The following SPMIP11 variants were observed in gnomAD, a reference collection of about 807,000 sequenced individuals.
SPMIP11 encodes long intergenic non-protein coding RNA 935.
At chr12:48,733,987 G>A in the SPMIP11 span, among the ~76,000 whole-genome samples, 1 of 151,882 alleles carries the variant, frequency 6.6e-6, no homozygotes, top group Non-Finnish European at 1.5e-5. Flanking sequence ...GGCCAGGCTG[G>A]TCTCGAACTC....
At chr12:48,732,614 AC>A in the SPMIP11 span, among the ~76,000 whole-genome samples, 8 of 151,876 alleles carry the variant, frequency 5.3e-5, no homozygotes, top group Non-Finnish European at 1.0e-4. Context: ...TACTAAAAAT[AC>A]AAAAATTAGC....
chr12:48,738,692 G>A, the SPMIP11 span, among the ~76,000 whole-genome samples: 8 of 152,040 alleles, frequency 5.3e-5, no homozygotes, highest in East Asian at 5.8e-4. Context: ...CCGCCACCAC[G>A]TATGGCACCT....
chr12:48,728,106 G>A, the SPMIP11 span, among the ~76,000 whole-genome samples: 3 of 151,906 alleles, frequency 2.0e-5, no homozygotes, highest in Non-Finnish European at 2.9e-5. Flanking sequence ...TTAGTCATTC[G>A]TTGGCTCATT....
At chr12:48,730,762 A>G in the SPMIP11 span, among the ~76,000 whole-genome samples, 3 of 151,972 alleles carry the variant, frequency 2.0e-5, no homozygotes, top group Non-Finnish European at 4.4e-5. Flanking sequence ...ACGTGGTGAA[A>G]CTCCACCTCT....
chr12:48,741,507 G>A, the SPMIP11 span, among the ~76,000 whole-genome samples: 3 of 152,150 alleles, frequency 2.0e-5, no homozygotes, highest in African/African-American at 7.2e-5. Context: ...GGAGGCTCAT[G>A]ATGTCATTTG....
chr12:48,762,495 G>A, the SPMIP11 span, among the ~76,000 whole-genome samples: 4 of 146,960 alleles, frequency 2.7e-5, no homozygotes, highest in Non-Finnish European at 5.9e-5. Context: ...AGCCTCCTAA[G>A]TAGCTGGGAT....
At chr12:48,738,337 G>A in the SPMIP11 span, among the ~76,000 whole-genome samples, 1 of 152,130 alleles carries the variant, frequency 6.6e-6, no homozygotes, top group East Asian at 1.9e-4. Context: ...CTCTCACATG[G>A]TTGCAGACAG....
At chr12:48,770,863 G>A in the SPMIP11 span, 2 of 1,614,262 alleles carry the variant, frequency 1.2e-6, no homozygotes, top group Admixed American at 3.3e-5. Flanking sequence ...TGATGTGGGA[G>A]CGGCCCACCT....
At chr12:48,728,200 T>C in the SPMIP11 span, among the ~76,000 whole-genome samples, 287 of 152,344 alleles carry the variant, frequency 1.9e-3, no homozygotes, top group Middle Eastern at 0.014. Context: ...ATAAAGTGAC[T>C]ATCTGATGAG....
At chr12:48,733,448 G>A in the SPMIP11 span, among the ~76,000 whole-genome samples, 17 of 152,164 alleles carry the variant, frequency 1.1e-4, no homozygotes, top group Non-Finnish European at 2.2e-4. Flanking sequence ...GTCTTCCAAG[G>A]TTTCCATTTT....
chr12:48,765,959 A>G, the SPMIP11 span, among the ~76,000 whole-genome samples: 92 of 152,294 alleles, frequency 6.0e-4, 1 homozygote, highest in African/African-American at 2.1e-3. Flanking sequence ...CATGCATGGC[A>G]GGGGTCACAC....
the SPMIP11 span, chr12:48,759,098 G>C: frequency 4.9e-6 from 3 of 611,830 alleles, no homozygotes; most frequent in African/African-American, 3.7e-5. Flanking sequence ...AATTGGATGT[G>C]AGTGGCTAGG....
the SPMIP11 span, among the ~76,000 whole-genome samples, chr12:48,736,699 GT>G: frequency 5.3e-4 from 76 of 144,334 alleles, no homozygotes; most frequent in Admixed American, 1.2e-3. Flanking sequence ...TGGGTCGCAT[GT>G]TTTTTTTTTT....
At chr12:48,731,631 A>C in the SPMIP11 span, among the ~76,000 whole-genome samples, 5,917 of 152,268 alleles carry the variant, frequency 0.039, 187 homozygotes, top group African/African-American at 0.083. Context: ...TTGCAGCCTC[A>C]TCCCATAACC....
the SPMIP11 span, chr12:48,768,333 G>C: frequency 3.7e-6 from 2 of 541,184 alleles, no homozygotes; most frequent in Non-Finnish European, 6.6e-6. Context: ...GCTCCCAAAG[G>C]CTGGAAGATT....
the SPMIP11 span, among the ~76,000 whole-genome samples, chr12:48,742,321 G>A: frequency 8.9e-5 from 11 of 124,224 alleles, no homozygotes; most frequent in Non-Finnish European, 1.4e-4. Flanking sequence ...TCACTCTGTC[G>A]CCAAGGCTGG....
the SPMIP11 span, chr12:48,771,002 G>A: frequency 6.2e-7 from 1 of 1,604,068 alleles, no homozygotes; most frequent in Non-Finnish European, 8.5e-7. This position sits in a 1 kb window ranked among gnomAD's most constrained non-coding sequence, Gnocchi z 4.3. Context: ...GGCTGTCAAG[G>A]CAAAGACCCC....
At chr12:48,730,342 C>T in the SPMIP11 span, among the ~76,000 whole-genome samples, 1 of 152,094 alleles carries the variant, frequency 6.6e-6, no homozygotes, top group African/African-American at 2.4e-5. Flanking sequence ...TTGGCCAAAC[C>T]TGTGGAATGT....
the SPMIP11 span, among the ~76,000 whole-genome samples, chr12:48,754,592 A>C: frequency 6.6e-6 from 1 of 152,060 alleles, no homozygotes; most frequent in African/African-American, 2.4e-5. Context: ...CTGGGACTAC[A>C]GGTGCCCGCC....
Sources: allele counts gnomAD v4.1 joint callset (sites outside exome capture counted in the v4.1 genomes callset), GRCh38; gene constraint gnomAD v4.1.1; non-coding constraint Gnocchi (gnomAD v3.1); transcripts MANE v1.5; gene names NCBI Gene and HGNC (gene_info 2026-07-23, HGNC 2026-07-21).